Variants in WDFY3 observed in about 807,000 individuals in gnomAD.
WDFY3 encodes WD repeat and FYVE domain-containing protein 3.
Under a neutral mutation model 409.6 loss-of-function variants are expected in WDFY3, and 66 were observed. The ratio of observed to expected loss-of-function variants is 0.16; its 90% CI spans 0.13 to 0.20. The LOEUF is 0.20. Ranked by LOEUF, WDFY3 falls within the 10% of genes least tolerant of loss-of-function variation. The pLI, the probability that WDFY3 is intolerant of heterozygous loss-of-function variation, is 1.00. For synonymous variants in WDFY3, 1,521 were observed against 1,537.1 expected (o/e 0.99, Z 0.25); for missense variants, 3,031 against 4,298.1 (o/e 0.71, Z 8.24).
intron 31 of WDFY3, 103 bp downstream of exon 31, chr4:84,766,149 T>C (rs1319588467): frequency 6.7e-7 from 1 of 1,488,188 alleles, no homozygotes; most frequent in African/African-American, 1.4e-5. Flanking sequence ...ATTTCAGGGT[T>C]AAAAAAATCT....
Position 84,837,151 on chromosome 4 carries a change from A to G in WDFY3, c.415-61T>C. On this transcript the variant is annotated intron_variant, in intron 6 of 67. Transcript: ENST00000295888. ...ACACAACTATAATTGGTACAGCCAA[A>G]TAATTCACAAATGTTAACCCAAAAA... 4 of 1,332,660 alleles carry G rather than the reference A, an allele frequency of 3.0e-6. No individual in the cohort carries two copies. In the South Asian group the frequency reaches 9.9e-5, roughly 33 times the overall value. 82.6% of individuals were successfully genotyped at this position (1,332,660 alleles called of 1,614,324 possible). A position where few individuals can be genotyped will look rare whatever the true frequency, so the allele number is the denominator to read the frequency against.
At chr4:84,807,761 C>G (rs1751753672) in intron 15 of WDFY3, among the ~76,000 whole-genome samples, 1 of 151,988 alleles carries the variant, frequency 6.6e-6, no homozygotes, top group Non-Finnish European at 1.5e-5. Context: ...ATTTACAGAG[C>G]ACTGATCAAA....
Position 84,733,363 on chromosome 4 carries a change from T to C in WDFY3, c.7221+19A>G, listed in dbSNP as rs199834956. The C allele has an allele frequency of 2.5e-4, 402 of 1,609,260 alleles. 1 individual carries two copies. The African/African-American group carries it at 3.7e-3, about 15-fold the overall frequency. On this transcript the variant is annotated intron_variant, in intron 44 of 67. Transcript: ENST00000295888. ...AAACTTGAAAGAGCCATTGTGATCA[T>C]TGAATTCTGCATACTCACCGCCACA... is the stretch of plus-strand genomic sequence containing the variant.
chr4:84,752,151 T>C (rs544988874), intron 35 of WDFY3, among the ~76,000 whole-genome samples: 1 of 148,788 alleles, frequency 6.7e-6, no homozygotes, highest in East Asian at 2.0e-4. Flanking sequence ...CAAATAAATT[T>C]AAAAAAAAAA....
chr4:84,678,769 T>C (rs1726798909), intron 65 of WDFY3, 150 bp downstream of exon 65: 4 of 803,520 alleles, frequency 5.0e-6, no homozygotes, highest in Admixed American at 2.8e-5. Flanking sequence ...TGAAGAGGCC[T>C]TCTGTGTAAA....
At chr4:84,799,335 TA>T (rs1202547645) in intron 17 of WDFY3, among the ~76,000 whole-genome samples, 2 of 94,448 alleles carry the variant, frequency 2.1e-5, no homozygotes, top group South Asian at 4.8e-4. Flanking sequence ...CATATATATA[TA>T]TATTTTTTTT....
chr4:84,758,336 C>G (rs776352408), intron 32 of WDFY3, among the ~76,000 whole-genome samples: 2 of 152,188 alleles, frequency 1.3e-5, no homozygotes, highest in African/African-American at 2.4e-5. Flanking sequence ...ACCTCAAACT[C>G]CTGGACTCAA....
chr4:84,716,845 C>T (rs1267583547), intron 49 of WDFY3, 51 bp downstream of exon 49: 3 of 1,369,708 alleles, frequency 2.2e-6, no homozygotes, highest in South Asian at 2.0e-5. Context: ...TAAAACAATA[C>T]ATTTTCAGAA....
intron 44 of WDFY3, among the ~76,000 whole-genome samples, chr4:84,730,480 A>G (rs1376141195): frequency 6.6e-6 from 1 of 152,168 alleles, no homozygotes; most frequent in Non-Finnish European, 1.5e-5. Context: ...TTTCTTTTTC[A>G]AAGTGATTCA....
chr4:84,687,956 A>C, intron 62 of WDFY3, 130 bp downstream of exon 62: 1 of 994,976 alleles, frequency 1.0e-6, no homozygotes, highest in Non-Finnish European at 1.5e-6. Flanking sequence ...CCTGGGCTCA[A>C]CTAATCCTCC....
At chr4:84,675,157 T>C (rs149698470) in intron 67 of WDFY3, among the ~76,000 whole-genome samples, 9,934 of 152,028 alleles carry the variant, frequency 0.065, 446 homozygotes, top group Admixed American at 0.12. Context: ...GGTTTTGCCA[T>C]GTTGGCCAGG....
chr4:84,685,145 G>C (rs1728086619), intron 62 of WDFY3, among the ~76,000 whole-genome samples: 1 of 152,230 alleles, frequency 6.6e-6, no homozygotes, highest in Admixed American at 6.5e-5. Flanking sequence ...GAAAAGACCT[G>C]GTAAAGTTCA....
At chr4:84,918,728 GA>G (rs899560218) in intron 2 of WDFY3, among the ~76,000 whole-genome samples, 58 of 143,222 alleles carry the variant, frequency 4.0e-4, no homozygotes, top group Non-Finnish European at 6.1e-4. Context: ...TTCTTATTTT[GA>G]AAAAAAAAAT....
chr4:84,758,166 GA>G (rs1479522651), intron 32 of WDFY3, among the ~76,000 whole-genome samples: 1 of 152,186 alleles, frequency 6.6e-6, no homozygotes, highest in Non-Finnish European at 1.5e-5. Flanking sequence ...ATTTTCAATG[GA>G]AACTTTTGTG....
At chr4:84,940,028 T>C (rs1291572667) in intron 1 of WDFY3, among the ~76,000 whole-genome samples, 1 of 152,122 alleles carries the variant, frequency 6.6e-6, no homozygotes, top group Non-Finnish European at 1.5e-5. Flanking sequence ...AACTCACTGA[T>C]ACCTTCAATT....
intron 23 of WDFY3, among the ~76,000 whole-genome samples, chr4:84,786,769 A>G (rs1242455200): frequency 6.6e-6 from 1 of 152,202 alleles, no homozygotes; most frequent in Admixed American, 6.5e-5. Context: ...TACATCCTTC[A>G]TGTGTATTGA....
intron 2 of WDFY3, among the ~76,000 whole-genome samples, chr4:84,920,027 T>G (rs1263182299): frequency 6.6e-6 from 1 of 150,872 alleles, no homozygotes; most frequent in Non-Finnish European, 1.5e-5. Context: ...AACAGAAACA[T>G]CAAACAAATA....
At chr4:84,896,511 T>C (rs1312030315) in intron 3 of WDFY3, among the ~76,000 whole-genome samples, 1 of 152,156 alleles carries the variant, frequency 6.6e-6, no homozygotes, top group South Asian at 2.1e-4. Context: ...TTAAGAATTT[T>C]TTTTGAAATT....
chr4:84,791,402 G>A (rs1748499769), intron 21 of WDFY3, among the ~76,000 whole-genome samples: 1 of 152,074 alleles, frequency 6.6e-6, no homozygotes, highest in African/African-American at 2.4e-5. Context: ...CTTGAGGGAG[G>A]GGCAAATGGG....
Sources: allele counts gnomAD v4.1 joint callset (sites outside exome capture counted in the v4.1 genomes callset), GRCh38; gene constraint gnomAD v4.1.1; transcripts MANE v1.5; gene names NCBI Gene and HGNC (gene_info 2026-07-23, HGNC 2026-07-21).